ABCC11: variants seen among roughly 807,000 people sequenced by gnomAD.
The protein encoded by ABCC11 is ATP-binding cassette sub-family C member 11.
Under a neutral mutation model 149.3 loss-of-function variants are expected in ABCC11, and 135 were observed. The ratio of observed to expected loss-of-function variants is 0.90; its 90% CI spans 0.79 to 1.04. The LOEUF (loss-of-function observed/expected upper bound fraction) is 1.04. Ranked by LOEUF, ABCC11 falls within the 50% of genes least tolerant of loss-of-function variation. The pLI, the probability that ABCC11 is intolerant of heterozygous loss-of-function variation, is 0.00. For synonymous variants in ABCC11, 665 were observed against 671.4 expected (o/e 0.99, Z 0.15); for missense variants, 1,680 against 1,722.1 (o/e 0.98, Z 0.43).
chr16:48,176,993 CGGTGGGTG>C lies in ABCC11; in HGVS notation c.3461_3468del (p.Thr1154SerfsTer46). ...ATGGTCAGGTTGATGCCGTGAAGCA[CGGTGGGTG>C]TGTTGTCTCTGTATTTCATGTGATA... On this transcript the variant is annotated frameshift_variant, in exon 25 of 30. Coordinates refer to ENST00000356608, the MANE Select transcript of ABCC11 (RefSeq NM_001370497.1). LOFTEE classifies it high-confidence loss of function. 1 of 1,614,184 alleles carries C rather than the reference CGGTGGGTG, an allele frequency of 6.2e-7. No homozygotes were observed. Among genetic ancestry groups the C allele is most frequent in the Non-Finnish European group, 8.5e-7 (1 of 1,180,032 alleles).
intron 6 of ABCC11, among the ~76,000 whole-genome samples, chr16:48,222,225 G>C (rs1969792146): frequency 6.6e-6 from 1 of 151,944 alleles, no homozygotes; most frequent in Non-Finnish European, 1.5e-5. Flanking sequence ...ACCACAGATG[G>C]CTGATTTTTG....
chr16:48,238,945 A>C (rs577429333), intron 1 of ABCC11, among the ~76,000 whole-genome samples: 4 of 151,020 alleles, frequency 2.6e-5, no homozygotes, highest in African/African-American at 9.7e-5. Flanking sequence ...AAAAAAAAAA[A>C]AAAAAAAAAA....
rs761515169 is a variant in ABCC11, at chr16:48,186,992, G to A, written c.3032C>T (p.Ser1011Phe). The change falls in exon 22 of 30, where the codon TCC (serine) becomes TTC (phenylalanine). Residue 1011 changes from serine to phenylalanine, a missense_variant. Transcript: ENST00000356608. Reference sequence around the variant, plus strand: ...TTCAGTTTTTCCATAGACATGGATGGAGCTCAGGCCTTGCAGAGAATTGAG... The same window carrying A: ...TTCAGTTTTTCCATAGACATGGATGAAGCTCAGGCCTTGCAGAGAATTGAG... ...HILNSLQGLS[S>F]IHVYGKTEDF... 7 of 1,614,046 alleles carry A rather than the reference G, an allele frequency of 4.3e-6. No individual in the cohort carries two copies. In the African/African-American group the frequency reaches 9.3e-5, roughly 22 times the overall value.
intron 11 of ABCC11, chr16:48,210,609 T>C (rs1016038665): frequency 3.9e-6 from 1 of 257,916 alleles, no homozygotes; most frequent in Non-Finnish European, 7.4e-6. Context: ...AAACACAGGA[T>C]AGTGCTTGGC....
At chr16:48,206,657 A>G (rs1027027218) in intron 12 of ABCC11, among the ~76,000 whole-genome samples, 1 of 152,248 alleles carries the variant, frequency 6.6e-6, no homozygotes, top group Non-Finnish European at 1.5e-5. Context: ...TACATAGGAA[A>G]CTGACAAACC....
chr16:48,228,244 G>A (rs1363257160), intron 3 of ABCC11, among the ~76,000 whole-genome samples: 2 of 149,732 alleles, frequency 1.3e-5, no homozygotes, highest in Non-Finnish European at 3.0e-5. Context: ...TTGTTTATAT[G>A]TAAAACACAG....
intron 20 of ABCC11, among the ~76,000 whole-genome samples, chr16:48,187,733 C>G (rs1286029871): frequency 2.0e-5 from 3 of 152,140 alleles, no homozygotes; most frequent in Non-Finnish European, 4.4e-5. Context: ...CTCAAATATA[C>G]TAAACACTGA....
intron 24 of ABCC11, among the ~76,000 whole-genome samples, chr16:48,177,339 C>T (rs1966149029): frequency 6.6e-6 from 1 of 152,226 alleles, no homozygotes; most frequent in South Asian, 2.1e-4. Flanking sequence ...AGCTAATTCC[C>T]TTGTTATTAA....
chr16:48,194,827 A>G (rs1198490164), intron 18 of ABCC11, among the ~76,000 whole-genome samples: 1 of 152,254 alleles, frequency 6.6e-6, no homozygotes, highest in Non-Finnish European at 1.5e-5. Flanking sequence ...CCCAGTCTCC[A>G]GAACAGTGAG....
chr16:48,211,433 C>T (rs1172547575), intron 10 of ABCC11, among the ~76,000 whole-genome samples: 1 of 152,234 alleles, frequency 6.6e-6, no homozygotes, highest in Non-Finnish European at 1.5e-5. Context: ...TTTGCAAACA[C>T]TGCACTGTCA....
At position 48,247,453 on chromosome 16, in the gene ABCC11, C is replaced by A. The variant is rs4785243; in HGVS notation, c.-158G>T. The A allele has an allele frequency of 2.0e-5, 1 of 48,926 alleles. No individual in the cohort carries two copies. The highest frequency in any genetic ancestry group is 8.0e-5 in the African/African-American group (1 of 12,444). 3.0% of individuals were successfully genotyped at this position (48,926 alleles called of 1,614,324 possible). On this transcript the variant is annotated 5_prime_UTR_variant, in exon 1 of 30. Transcript: ENST00000356608. ...TTTGCTCCCAGCGTTCTTTGCCACA[C>A]AGAGTGGCAGGATTAGATGTTGACT...
At chr16:48,202,916 G>A (rs560690955) in intron 14 of ABCC11, among the ~76,000 whole-genome samples, 2 of 152,322 alleles carry the variant, frequency 1.3e-5, no homozygotes, top group South Asian at 4.1e-4. Flanking sequence ...TGCACCAGCC[G>A]GAGTGGGGCA....
rs147368523 is a variant in ABCC11 at position 48,199,102 on chromosome 16, C to T, written c.2083-827G>A. 3.3e-5 allele frequency among the ~76,000 whole-genome samples: 5 copies of T among 151,106 alleles called. No homozygotes were observed. The East Asian group carries it at 9.7e-4, about 29-fold the overall frequency. Reference sequence around the variant, plus strand: ...TATCAACATGGAAGATCTCAAAAAACATAATGTTGAGGGAAAAAATGAAAT... The same window carrying T: ...TATCAACATGGAAGATCTCAAAAAATATAATGTTGAGGGAAAAAATGAAAT... On this transcript the variant is annotated intron_variant, in intron 15 of 29. Transcript: ENST00000356608.
chr16:48,204,072 C>G (rs1307575003), intron 13 of ABCC11, among the ~76,000 whole-genome samples: 1 of 152,178 alleles, frequency 6.6e-6, no homozygotes, highest in African/African-American at 2.4e-5. Context: ...CTCTTTTGCT[C>G]CTGTGAGCAA....
In ABCC11 at chr16:48,224,513, T is replaced by C. The variant is rs9933821; in HGVS notation, c.396-84A>G. The C allele has an allele frequency of 0.095, 140,780 of 1,482,958 alleles. 7,684 individuals are homozygous for C. Among genetic ancestry groups the C allele is most frequent in the African/African-American group, 0.23 (16,601 of 71,294 alleles). 91.9% of individuals were successfully genotyped at this position (1,482,958 alleles called of 1,614,324 possible). On this transcript the variant is annotated intron_variant, in intron 4 of 29. Transcript: ENST00000356608. Reference sequence around the variant, plus strand: ...TAGTTCTTGCTAGCCAGGAGCTTTGTTGCAGAAATTTTCAAACATAACAGA... The same window carrying C: ...TAGTTCTTGCTAGCCAGGAGCTTTGCTGCAGAAATTTTCAAACATAACAGA...
intron 7 of ABCC11, 53 bp downstream of exon 7, chr16:48,216,061 G>A: frequency 6.4e-7 from 1 of 1,561,718 alleles, no homozygotes; most frequent in Non-Finnish European, 8.8e-7. Context: ...AGATTCCAGA[G>A]CCCTGGGACT....
At chr16:48,212,861 T>C (rs532944535) in intron 10 of ABCC11, among the ~76,000 whole-genome samples, 3 of 152,320 alleles carry the variant, frequency 2.0e-5, no homozygotes, top group African/African-American at 7.2e-5. Flanking sequence ...ATGCCAGCTA[T>C]GTAAATAAGT....
chr16:48,194,282 T>C (rs977313214), intron 18 of ABCC11, among the ~76,000 whole-genome samples: 1 of 152,166 alleles, frequency 6.6e-6, no homozygotes, highest in African/African-American at 2.4e-5. Context: ...ATGCTGAAGA[T>C]GATATGATAT....
intron 27 of ABCC11, 146 bp downstream of exon 27, chr16:48,170,743 T>A (rs1965662854): frequency 2.7e-6 from 2 of 748,946 alleles, no homozygotes; most frequent in Non-Finnish European, 4.5e-6. Context: ...GACTTAGGAA[T>A]GCCAAGTCAT....
Sources: allele counts gnomAD v4.1 joint callset (sites outside exome capture counted in the v4.1 genomes callset), GRCh38; gene constraint gnomAD v4.1.1; transcripts MANE v1.5; gene names NCBI Gene and HGNC (gene_info 2026-07-23, HGNC 2026-07-21).